Variants in GRIK2 observed in about 807,000 individuals in gnomAD.
GRIK2 encodes glutamate ionotropic receptor kainate type subunit 2, also known as glutamate receptor ionotropic, kainate 2.
Under a neutral mutation model 100.3 loss-of-function variants are expected in GRIK2, and 32 were observed. The ratio of observed to expected loss-of-function variants is 0.32; its 90% CI spans 0.24 to 0.43. The LOEUF is 0.43. Ranked by LOEUF, GRIK2 falls within the 20% of genes least tolerant of loss-of-function variation. The pLI is 1.00. For missense variants in GRIK2, 843 were observed against 1,114.9 expected (o/e 0.76, Z 3.47); for synonymous variants, 417 against 389.4 (o/e 1.07, Z -0.83).
chr6:101,409,817 T>C (rs1381367129), intron 2 of GRIK2, among the ~76,000 whole-genome samples: 1 of 151,982 alleles, frequency 6.6e-6, no homozygotes, highest in Non-Finnish European at 1.5e-5. Context: ...AATTGTTTAT[T>C]TACTGTGTAT....
chr6:101,858,600 A>G (rs994054888), intron 10 of GRIK2, among the ~76,000 whole-genome samples: 22 of 151,910 alleles, frequency 1.4e-4, no homozygotes, highest in South Asian at 8.3e-4. Flanking sequence ...CGTGTTAGCC[A>G]GGATGGTCTT....
intron 2 of GRIK2, among the ~76,000 whole-genome samples, chr6:101,618,566 T>C (rs1485851158): frequency 6.6e-6 from 1 of 151,814 alleles, no homozygotes; most frequent in Non-Finnish European, 1.5e-5. Context: ...TCTTTCTTTT[T>C]ATAGTCCAAA....
At chr6:101,874,884 T>C (rs949336572) in intron 11 of GRIK2, among the ~76,000 whole-genome samples, 1 of 152,108 alleles carries the variant, frequency 6.6e-6, no homozygotes, top group African/African-American at 2.4e-5. Flanking sequence ...TCACTCATGA[T>C]TTGGCTCTCT....
chr6:101,839,040 C>T (rs762451413), intron 10 of GRIK2, among the ~76,000 whole-genome samples: 8 of 151,880 alleles, frequency 5.3e-5, no homozygotes, highest in Non-Finnish European at 1.2e-4. Flanking sequence ...CATGCTCCTG[C>T]ACCAGTTTTG....
chr6:101,490,129 A>G (rs916837384), intron 2 of GRIK2, among the ~76,000 whole-genome samples: 1 of 144,976 alleles, frequency 6.9e-6, no homozygotes, highest in African/African-American at 2.7e-5. Flanking sequence ...TTTACAGAAG[A>G]ATGAAACATA....
chr6:101,505,954 T>C (rs1356350433), intron 2 of GRIK2, among the ~76,000 whole-genome samples: 1 of 152,144 alleles, frequency 6.6e-6, no homozygotes, highest in East Asian at 1.9e-4. Flanking sequence ...GAATATATTG[T>C]TAATAGGCAT....
At chr6:101,734,988 G>A (rs1775536389) in intron 7 of GRIK2, among the ~76,000 whole-genome samples, 1 of 152,068 alleles carries the variant, frequency 6.6e-6, no homozygotes, top group African/African-American at 2.4e-5. Context: ...TTGATATGAG[G>A]AGAGAATAAA....
At chr6:101,568,860 T>C (rs1777404932) in intron 2 of GRIK2, among the ~76,000 whole-genome samples, 1 of 152,044 alleles carries the variant, frequency 6.6e-6, no homozygotes, top group Non-Finnish European at 1.5e-5. Context: ...CTACAGAAAA[T>C]AGTGCAGCAT....
At chr6:101,760,692 A>T (rs1247950008) in intron 7 of GRIK2, among the ~76,000 whole-genome samples, 1 of 72,540 alleles carries the variant, frequency 1.4e-5, no homozygotes, top group Non-Finnish European at 2.2e-5. Context: ...AATTATATAT[A>T]ATTATATATA....
chr6:101,922,732 C>G (rs551216929), intron 12 of GRIK2, among the ~76,000 whole-genome samples: 4 of 152,200 alleles, frequency 2.6e-5, no homozygotes, highest in South Asian at 4.1e-4. Context: ...GATGGGTGCT[C>G]TAGCAGCAGA....
intron 7 of GRIK2, among the ~76,000 whole-genome samples, chr6:101,792,015 GA>G (rs1252686743): frequency 6.6e-6 from 1 of 151,970 alleles, no homozygotes; most frequent in Non-Finnish European, 1.5e-5. Flanking sequence ...TTTTATCAGA[GA>G]CTAGGATTGC....
chr6:101,663,010 CAAG>C (rs1264143039), intron 4 of GRIK2, among the ~76,000 whole-genome samples: 1 of 151,942 alleles, frequency 6.6e-6, no homozygotes, highest in Non-Finnish European at 1.5e-5. Flanking sequence ...ATTTCTGGGA[CAAG>C]AAGATAAAAT....
At chr6:101,640,093 C>A (rs1781216300) in intron 4 of GRIK2, among the ~76,000 whole-genome samples, 1 of 152,126 alleles carries the variant, frequency 6.6e-6, no homozygotes, top group African/African-American at 2.4e-5. Flanking sequence ...TGTAACATAT[C>A]TTACAGTTAT....
At chr6:102,019,652 A>G (rs1310621349) in intron 14 of GRIK2, among the ~76,000 whole-genome samples, 1 of 151,962 alleles carries the variant, frequency 6.6e-6, no homozygotes, top group Non-Finnish European at 1.5e-5. Flanking sequence ...TCAGTTTATC[A>G]CTTTTCAACC....
In GRIK2 at chr6:101,436,650, G is replaced by A. The variant is rs145470533; in HGVS notation, c.115+37258G>A. ...AATTGGTATCTTCAGCAAATTTTCAGATTCTTCTCAGTTCATTTTATGTAT... is the reference window on the plus strand; with the variant it reads ...AATTGGTATCTTCAGCAAATTTTCAAATTCTTCTCAGTTCATTTTATGTAT... On this transcript the variant is annotated intron_variant, in intron 2 of 16. Coordinates refer to ENST00000369134, the MANE Select transcript of GRIK2 (RefSeq NM_021956.5). Among the ~76,000 whole-genome samples, 840 of 151,974 alleles carry A rather than the reference G, an allele frequency of 5.5e-3. 8 individuals carry two copies. The highest frequency in any genetic ancestry group is 0.019 in the African/African-American group (792 of 41,504).
chr6:102,015,426 G>T (rs997442762), intron 14 of GRIK2, among the ~76,000 whole-genome samples: 4 of 152,052 alleles, frequency 2.6e-5, no homozygotes, highest in Non-Finnish European at 5.9e-5. Context: ...AAGGCATTTA[G>T]CCCATTTACA....
At chr6:101,640,946 AT>A (rs1173911241) in intron 4 of GRIK2, among the ~76,000 whole-genome samples, 2 of 152,150 alleles carry the variant, frequency 1.3e-5, no homozygotes, top group Non-Finnish European at 2.9e-5. Flanking sequence ...AACAAGCATA[AT>A]TTTTTAGTGA....
chr6:101,953,469 G>A (rs1562508055), intron 14 of GRIK2, among the ~76,000 whole-genome samples: 1 of 152,128 alleles, frequency 6.6e-6, no homozygotes, highest in Non-Finnish European at 1.5e-5. Flanking sequence ...GTGTGAGAAA[G>A]TGCTATCTCC....
chr6:101,425,112 G>A (rs1406549911), intron 2 of GRIK2, among the ~76,000 whole-genome samples: 1 of 152,028 alleles, frequency 6.6e-6, no homozygotes, highest in Non-Finnish European at 1.5e-5. Flanking sequence ...TGTGAATAGT[G>A]CCGCAGTAAA....
Sources: allele counts gnomAD v4.1 joint callset (sites outside exome capture counted in the v4.1 genomes callset), GRCh38; gene constraint gnomAD v4.1.1; transcripts MANE v1.5; gene names NCBI Gene and HGNC (gene_info 2026-07-23, HGNC 2026-07-21).